NMS: variants seen among roughly 807,000 people sequenced by gnomAD.
NMS encodes neuromedin-S.
In NMS, 30 loss-of-function variants were observed where a neutral mutation model predicts 32.2. That is an observed-to-expected ratio of 0.93 (90% CI 0.70 to 1.26). NMS has a LOEUF of 1.26. Among genes scored for constraint, NMS ranks in the 50% most tolerant of loss-of-function variants. The probability of loss-of-function intolerance (pLI) is 0.00; values close to 1 mark genes in which losing one functional copy is unlikely to be tolerated. For synonymous variants in NMS, 76 were observed against 58.5 expected, an observed-to-expected ratio of 1.30 and a Z score of -1.37; for missense variants, 190 against 186.3, an observed-to-expected ratio of 1.02 and a Z score of -0.12.
intron 9 of NMS, 142 bp from the exon 10 acceptor site, chr2:100,483,110 G>A (rs1439343978): frequency 1.3e-5 from 9 of 705,608 alleles, no homozygotes; most frequent in Middle Eastern, 2.4e-4. Context: ...TACTGATTGT[G>A]GGGAAAGCAA....
In NMS at chr2:100,476,565, T is replaced by C. The variant is rs185685298; in HGVS notation, c.184-679T>C. 3.9e-5 allele frequency among the ~76,000 whole-genome samples: 6 copies of C among 152,300 alleles called. No individual in the cohort carries two copies. In the East Asian group the frequency reaches 9.6e-4, roughly 24 times the overall value. On this transcript the variant is annotated intron_variant, in intron 3 of 9. Transcript: ENST00000376865. ...AGATTCAAAAATCTTTAAGCATGAG[T>C]GAGATGTGAATGATCAGTACGAACC...
intron 5 of NMS, 92 bp downstream of exon 5, chr2:100,477,506 G>C: frequency 1.1e-6 from 1 of 930,210 alleles, no homozygotes; most frequent in East Asian, 2.6e-5. Flanking sequence ...AAGTAGAAAA[G>C]CTGGGGGCTC....
intron 5 of NMS, among the ~76,000 whole-genome samples, chr2:100,478,965 G>A (rs542719374): frequency 6.6e-6 from 1 of 152,334 alleles, no homozygotes; most frequent in East Asian, 1.9e-4. Flanking sequence ...AGTGCTTGGG[G>A]AGGGTTACGG....
At chr2:100,472,289 A>C (rs1677019372) in intron 1 of NMS, among the ~76,000 whole-genome samples, 2 of 152,196 alleles carry the variant, frequency 1.3e-5, no homozygotes, top group Admixed American at 1.3e-4. Flanking sequence ...AGTTAGACAA[A>C]AGGTTGACAG....
chr2:100,473,110 CTG>C (rs1344855976), intron 2 of NMS, among the ~76,000 whole-genome samples: 3 of 152,116 alleles, frequency 2.0e-5, no homozygotes, highest in Non-Finnish European at 4.4e-5. Context: ...ATTCTGCTGA[CTG>C]AAGAATTTAA....
At chr2:100,481,239 CA>C in intron 8 of NMS, 72 bp downstream of exon 8, 3 of 1,409,126 alleles carry the variant, frequency 2.1e-6, no homozygotes, top group Non-Finnish European at 3.0e-6. Flanking sequence ...GGAGTGACTG[CA>C]AACAGCAGAG....
At chr2:100,472,366 C>T (rs942475157) in intron 1 of NMS, among the ~76,000 whole-genome samples, 28 of 152,182 alleles carry the variant, frequency 1.8e-4, no homozygotes, top group African/African-American at 3.1e-4. Flanking sequence ...AGCAGAGAGA[C>T]GGGTATCCAT....
intron 9 of NMS, among the ~76,000 whole-genome samples, chr2:100,483,035 T>C (rs1677249595): frequency 6.6e-6 from 1 of 152,216 alleles, no homozygotes; most frequent in Admixed American, 6.5e-5. Context: ...AGATGCTCCC[T>C]GAGGCCATAG....
intron 5 of NMS, 76 bp from the exon 6 acceptor site, chr2:100,479,277 G>T: frequency 9.8e-7 from 1 of 1,020,222 alleles, no homozygotes. Flanking sequence ...AAAGAAATGC[G>T]CATAGCCCTG....
rs893457279 is a variant in NMS, at chr2:100,475,985, C to G, written c.184-1259C>G. Among the ~76,000 whole-genome samples, 4 of 138,706 alleles carry G rather than the reference C, an allele frequency of 2.9e-5. No individual in the cohort carries two copies. The South Asian group carries it at 9.5e-4, about 33-fold the overall frequency. The allele number at this position is 138,706 out of a possible 152,430, so 91.0% of individuals were successfully genotyped here. On this transcript the variant is annotated intron_variant, in intron 3 of 9. Coordinates refer to ENST00000376865, the MANE Select transcript of NMS (RefSeq NM_001011717.1). The stretch of plus-strand genomic sequence containing the variant: ...CTGCACTCAAGCCTGGGTGATGGAG[C>G]GAGACCCTATCTCCAAAAAAAAAAA...
In NMS at chr2:100,480,500, C is replaced by T. The variant is rs768190752; in HGVS notation, c.341C>T (p.Ser114Leu). The change falls in exon 7 of 10, where the codon TCG becomes TTG. Residue 114 changes from serine to leucine, a missense_variant. Physicochemically the swap from Ser to Leu is moderately radical, Grantham distance 145 (BLOSUM62 -2). Coordinates refer to ENST00000376865, the MANE Select transcript of NMS (RefSeq NM_001011717.1). ...CTGTGCCTCATTTCCTTGCAGGGCT[C>T]GGGGACTGCTGCAGTGGACTTCACC... ...RRMKRILQRG[S>L]GTAAVDFTKK... The T allele has an allele frequency of 5.6e-6, 9 of 1,613,106 alleles. No individual in the cohort carries two copies. In the Admixed American group the frequency reaches 6.7e-5, roughly 12 times the overall value.
chr2:100,481,800 A>G (rs1369935842), intron 8 of NMS, among the ~76,000 whole-genome samples: 1 of 152,264 alleles, frequency 6.6e-6, no homozygotes, highest in African/African-American at 2.4e-5. Flanking sequence ...CACAGGCTGT[A>G]AGAAGTCCTG....
chr2:100,472,318 C>A (rs951012763), intron 1 of NMS, among the ~76,000 whole-genome samples: 4 of 152,264 alleles, frequency 2.6e-5, no homozygotes, highest in African/African-American at 9.6e-5. Context: ...TGCATGCCAG[C>A]AGCCTTCCCC....
chr2:100,471,797 C>G (rs1677011011), intron 1 of NMS, among the ~76,000 whole-genome samples: 1 of 152,240 alleles, frequency 6.6e-6, no homozygotes, highest in South Asian at 2.1e-4. Context: ...ACTTTCTAAC[C>G]GTCAGTCTTT....
chr2:100,471,425 A>G (rs1404318629), intron 1 of NMS, among the ~76,000 whole-genome samples: 1 of 152,170 alleles, frequency 6.6e-6, no homozygotes, highest in Non-Finnish European at 1.5e-5. Flanking sequence ...CATCTGGTTT[A>G]ACCTCTCACA....
chr2:100,483,166 T>A, intron 9 of NMS, 86 bp from the exon 10 acceptor site: 1 of 1,193,548 alleles, frequency 8.4e-7, no homozygotes, highest in Non-Finnish European at 1.2e-6. Flanking sequence ...TTGTAAAATA[T>A]GTTACATAAT....
chr2:100,472,708 G>T (rs1677025026), intron 1 of NMS, 87 bp from the exon 2 acceptor site: 2 of 815,430 alleles, frequency 2.5e-6, no homozygotes, highest in African/African-American at 3.4e-5. Flanking sequence ...TATTTTAACA[G>T]AATGTCTGTT....
intron 3 of NMS, among the ~76,000 whole-genome samples, chr2:100,474,096 C>T (rs1352329852): frequency 6.6e-5 from 10 of 152,114 alleles, no homozygotes; most frequent in African/African-American, 1.2e-4. Flanking sequence ...ACCCGGGAGG[C>T]GGAGGTTGCA....
chr2:100,477,388 G>A lies in NMS; in HGVS notation c.235G>A (p.Glu79Lys), dbSNP rs1160823782. The change falls in exon 5 of 10, where the codon GAG (glutamate) becomes AAG (lysine). Residue 79 changes from glutamate to lysine, a missense_variant. Coordinates refer to ENST00000376865, the MANE Select transcript of NMS (RefSeq NM_001011717.1). ...TTTGTTTCACTACTCCAGAACTCAGGAGGCAACACATCCAGTTAAAACTGG... is the reference window on the plus strand; with the variant it reads ...TTTGTTTCACTACTCCAGAACTCAGAAGGCAACACATCCAGTTAAAACTGG... ...RFLFHYSRTQ[E>K]ATHPVKTGFP... 8.7e-6 allele frequency: 14 copies of A among 1,613,268 alleles called. No individual in the cohort carries two copies. The highest frequency in any genetic ancestry group is 2.2e-5 in the East Asian group (1 of 44,870).
Sources: gnomAD v4.1 joint callset for allele counts (sites outside exome capture counted in the v4.1 genomes callset) on GRCh38, gnomAD v4.1.1 for gene constraint, MANE v1.5 for transcripts, NCBI Gene and HGNC (gene_info 2026-07-23, HGNC 2026-07-21) for gene names.